Variants in NBPF9 observed in about 807,000 individuals in gnomAD.
NBPF9 encodes the protein NBPF family member NBPF9.
A neutral mutation model predicts 97.8 loss-of-function variants in NBPF9; 91 were observed. That is an observed-to-expected ratio of 0.93 (90% CI 0.79 to 1.11). The LOEUF is 1.11. Ranked by LOEUF, NBPF9 falls within the 50% of genes least tolerant of loss-of-function variation. The pLI is 0.00. For synonymous variants in NBPF9, 334 were observed against 359.5 expected, an observed-to-expected ratio of 0.93 and a Z score of 0.80; for missense variants, 992 against 939.5, an observed-to-expected ratio of 1.06 and a Z score of -0.73.
exon 14 of NBPF9, chr1:149,072,787 G>C: frequency 2.3e-5 from 37 of 1,580,486 alleles, no homozygotes; most frequent in Non-Finnish European, 3.0e-5. Context: ...TGGAGGTCCT[G>C]CCCCTGGGAC....
At chr1:149,077,470 T>G (rs2079987010) in intron 10 of NBPF9, 51 bp from the exon 11 acceptor site, 1 of 1,601,894 alleles carries the variant, frequency 6.2e-7, no homozygotes, top group African/African-American at 1.3e-5. Flanking sequence ...ACAGAGGGAT[T>G]GGACCCCAGG....
intron 8 of NBPF9, among the ~76,000 whole-genome samples, chr1:149,079,488 C>T (rs1371551564): frequency 6.6e-6 from 1 of 151,142 alleles, no homozygotes; most frequent in Non-Finnish European, 1.5e-5. Flanking sequence ...CTTCCTAATT[C>T]CCTTTCAGAA....
intron 17 of NBPF9, among the ~76,000 whole-genome samples, chr1:149,069,011 C>T (rs587597064): frequency 1.4e-4 from 21 of 152,248 alleles, no homozygotes; most frequent in South Asian, 4.2e-4. Flanking sequence ...ACAACCTGCT[C>T]CTGAACGACT....
chr1:149,071,889 C>T (rs1553653007), intron 14 of NBPF9, among the ~76,000 whole-genome samples: 1 of 151,840 alleles, frequency 6.6e-6, no homozygotes, highest in African/African-American at 2.4e-5. Flanking sequence ...CAACATGTGG[C>T]CAAATATTGA....
At chr1:149,099,471 A>C (rs1231647953) in intron 3 of NBPF9, among the ~76,000 whole-genome samples, 1 of 152,330 alleles carries the variant, frequency 6.6e-6, no homozygotes, top group African/African-American at 2.4e-5. Flanking sequence ...TTCATTTAAC[A>C]AATATTTATT....
intron 5 of NBPF9, 73 bp from the exon 6 acceptor site, chr1:149,082,503 A>G: frequency 1.6e-6 from 1 of 619,102 alleles, no homozygotes; most frequent in Admixed American, 3.0e-5. Context: ...CCAATTGCCC[A>G]GGCTTTGCTG....
chr1:149,080,949 G>T (rs2080378962), intron 7 of NBPF9, among the ~76,000 whole-genome samples: 3 of 151,634 alleles, frequency 2.0e-5, no homozygotes, highest in South Asian at 2.1e-4. Flanking sequence ...CAACTTGGAT[G>T]GAGCCCAGGA....
intron 11 of NBPF9, among the ~76,000 whole-genome samples, 198 bp downstream of exon 11, chr1:149,077,010 G>T (rs1205645134): frequency 1.3e-5 from 2 of 150,646 alleles, no homozygotes; most frequent in Admixed American, 6.6e-5. Context: ...GTGTAGGCTG[G>T]TCTTCAACTC....
chr1:149,062,121 C>A, exon 22 of NBPF9: 1 of 1,161,528 alleles, frequency 8.6e-7, no homozygotes, highest in Non-Finnish European at 1.3e-6. Flanking sequence ...AGCCAAGGTA[C>A]TGTTCCTCCA....
rs1417608756 is a variant in NBPF9, at chr1:149,061,646, T to G, written c.2252-263A>C. ...AGTTTGTGCAAACAGTTATGCCTTATTGTTCCCATCAGTTCAAAGAAAATG... is the reference window on the plus strand; with the variant it reads ...AGTTTGTGCAAACAGTTATGCCTTAGTGTTCCCATCAGTTCAAAGAAAATG... On this transcript the variant is annotated intron_variant, in intron 22 of 29. Coordinates refer to ENST00000584027, the Ensembl canonical transcript of NBPF9. The G allele has an allele frequency of 3.5e-5, 8 of 228,624 alleles. 1 individual carries two copies. Among genetic ancestry groups the G allele is most frequent in the Non-Finnish European group, 6.5e-5 (8 of 123,124 alleles). The allele number at this position is 228,624 out of a possible 1,614,324, so 14.2% of individuals were successfully genotyped here.
In NBPF9 at chr1:149,061,246, C is replaced by T. The variant is rs1193429224; in HGVS notation, c.2303+86G>A. The T allele has an allele frequency of 1.8e-5, 6 of 326,748 alleles. 1 individual carries two copies. The highest frequency in any genetic ancestry group is 4.9e-5 in the East Asian group (1 of 20,202). The allele number at this position is 326,748 out of a possible 1,614,324, so 20.2% of individuals were successfully genotyped here. A position where few individuals can be genotyped will look rare whatever the true frequency, so the allele number is the denominator to read the frequency against. ...TCAGGCTTGCTTGAAAAGATGTAATCGATAATGTCAGCCCGCTCTGTTTTC... is the reference window on the plus strand; with the variant it reads ...TCAGGCTTGCTTGAAAAGATGTAATTGATAATGTCAGCCCGCTCTGTTTTC... On this transcript the variant is annotated intron_variant, in intron 23 of 29. Coordinates refer to ENST00000584027, the Ensembl canonical transcript of NBPF9.
At position 149,079,238 on chromosome 1, in the gene NBPF9, G is replaced by A; in HGVS notation, c.279-17C>T. ...TTATATTGCCTAAGGTGAGACGGTA[G>A]AGAAAATTTAAGAGTAGAAAGGGTT... On this transcript the variant is annotated splice_polypyrimidine_tract_variant and intron_variant, in intron 8 of 29. Transcript: ENST00000584027. 1 of 806,864 alleles carries A rather than the reference G, an allele frequency of 1.2e-6. No individual in the cohort carries two copies. Among genetic ancestry groups the A allele is most frequent in the Non-Finnish European group, 2.2e-6 (1 of 449,652 alleles). 50.0% of individuals were successfully genotyped at this position (806,864 alleles called of 1,614,324 possible). A position where few individuals can be genotyped will look rare whatever the true frequency, so the allele number is the denominator to read the frequency against.
chr1:149,077,496 T>G (rs2079989463), intron 10 of NBPF9, 77 bp from the exon 11 acceptor site: 7 of 1,593,262 alleles, frequency 4.4e-6, no homozygotes, highest in Non-Finnish European at 5.2e-6. Flanking sequence ...CTAGCTGGTT[T>G]TGACAGGCGG....
rs367670508 is a variant in NBPF9 at position 149,055,800 on chromosome 1, G to C, written c.3192C>G (p.Asp1064Glu). ...ACACACTTCTGTAGTGCTGGAATGA[G>C]TCAGGTAGTTCAAAGTACATTGACG... Residue 1064 changes from aspartate to glutamate, a missense_variant, in exon 30 of 30, where the codon GAC becomes GAG. Asp to Glu is a conservative substitution (Grantham distance 45). Transcript: ENST00000584027. 20 of 1,611,036 alleles carry C rather than the reference G, an allele frequency of 1.2e-5. 2 individuals carry two copies. Among genetic ancestry groups the C allele is most frequent in the South Asian group, 1.2e-4 (11 of 90,892 alleles).
chr1:149,064,826 A>G (rs1418129973), intron 18 of NBPF9: 20 of 553,812 alleles, frequency 3.6e-5, no homozygotes, highest in Admixed American at 3.4e-4. Flanking sequence ...GCTTTCTCTC[A>G]TCAAATACCC....
At chr1:149,079,166 TCTC>T (rs2080176322) in exon 9 of NBPF9, 2 of 1,277,228 alleles carry the variant, frequency 1.6e-6, no homozygotes, top group East Asian at 4.7e-5. Flanking sequence ...TCCCGTAACT[TCTC>T]CTTTAACTGC....
intron 5 of NBPF9, among the ~76,000 whole-genome samples, chr1:149,085,423 A>G (rs1463589977): frequency 2.0e-5 from 3 of 152,134 alleles, no homozygotes; most frequent in Non-Finnish European, 2.9e-5. Context: ...TTGCTTCTTC[A>G]ATATCGACTT....
exon 30 of NBPF9, chr1:149,055,818 C>T (rs1315909860): frequency 1.2e-6 from 2 of 1,608,514 alleles, no homozygotes; most frequent in Non-Finnish European, 1.7e-6. Flanking sequence ...GTTCAAAGTA[C>T]ATTGACGGAG....
intron 8 of NBPF9, among the ~76,000 whole-genome samples, 197 bp from the exon 9 acceptor site, chr1:149,079,418 C>T (rs1553655808): frequency 6.6e-6 from 1 of 151,680 alleles, no homozygotes; most frequent in African/African-American, 2.4e-5. Flanking sequence ...AGAGAGGGCT[C>T]CTGCAAGATC....
Sources: gnomAD v4.1 joint callset for allele counts (sites outside exome capture counted in the v4.1 genomes callset) on GRCh38, gnomAD v4.1.1 for gene constraint, MANE v1.5 for transcripts, NCBI Gene and HGNC (gene_info 2026-07-23, HGNC 2026-07-21) for gene names.